Variants in SNTB2 observed in about 807,000 individuals in gnomAD.
SNTB2 encodes the protein syntrophin beta 2, also known as beta-2-syntrophin.
SNTB2 carries 34 observed loss-of-function variants against 46.2 expected under a neutral mutation model. The observed-to-expected ratio is 0.74, with a 90% CI of 0.56 to 0.98. SNTB2 has a LOEUF of 0.98. Among genes scored for constraint, SNTB2 ranks in the 50% least tolerant of loss-of-function variants. SNTB2 has a pLI of 0.00. For missense variants in SNTB2, 603 were observed against 731.4 expected, an observed-to-expected ratio of 0.82 and a Z score of 2.02; for synonymous variants, 290 against 312.6, an observed-to-expected ratio of 0.93 and a Z score of 0.76.
At chr16:69,288,122 C>T (rs369693830) in intron 5 of SNTB2, among the ~76,000 whole-genome samples, 2 of 152,046 alleles carry the variant, frequency 1.3e-5, no homozygotes, top group East Asian at 1.9e-4. Context: ...TGTGGGCAGT[C>T]GAGGGGTCAG....
rs747979866 is a variant in SNTB2 at position 69,299,762 on chromosome 16, C to T, written c.1518C>T (p.Pro506=). 6 of 1,613,866 alleles carry T rather than the reference C, an allele frequency of 3.7e-6. No individual in the cohort carries two copies. The highest frequency in any genetic ancestry group is 2.2e-5 in the East Asian group (1 of 44,890). ...IRNLYLDFGG[P]EGELTMDLHS... ...ATCTATACTTGGATTTTGGTGGTCC[C>T]GAGGGAGAACTGGTAAGAGTGTTTC... The change falls in exon 6 of 7, where the codon CCC becomes CCT. Residue 506 remains proline, a synonymous_variant. Transcript: ENST00000336278.
chr16:69,210,019 A>ATTT (rs137973730), intron 1 of SNTB2, among the ~76,000 whole-genome samples: 3 of 122,142 alleles, frequency 2.5e-5, no homozygotes, highest in African/African-American at 3.1e-5. Context: ...TTGTTATTTA[A>ATTT]TTTTTTTTTT....
chr16:69,237,286 A>G (rs1273190000), intron 1 of SNTB2, among the ~76,000 whole-genome samples: 1 of 151,746 alleles, frequency 6.6e-6, no homozygotes, highest in African/African-American at 2.4e-5. Flanking sequence ...GAAAGAAGGA[A>G]TACAAAACAG....
intron 2 of SNTB2, among the ~76,000 whole-genome samples, chr16:69,253,852 T>C (rs551214053): frequency 5.9e-5 from 9 of 152,236 alleles, no homozygotes; most frequent in African/African-American, 1.9e-4. Context: ...GAACTCAGAC[T>C]GTGTCAAAGG....
At chr16:69,243,313 A>G (rs1265701481) in intron 1 of SNTB2, among the ~76,000 whole-genome samples, 1 of 152,212 alleles carries the variant, frequency 6.6e-6, no homozygotes, top group African/African-American at 2.4e-5. Context: ...TCCCAAACAT[A>G]GAAACAGATG....
intron 1 of SNTB2, among the ~76,000 whole-genome samples, chr16:69,235,235 C>G (rs748121616): frequency 9.9e-5 from 15 of 151,624 alleles, no homozygotes; most frequent in Non-Finnish European, 1.5e-5. Context: ...CGTTCCCGGA[C>G]TTCAACTTGG....
intron 5 of SNTB2, among the ~76,000 whole-genome samples, chr16:69,298,127 G>C (rs1414814428): frequency 6.6e-6 from 1 of 151,956 alleles, no homozygotes; most frequent in Non-Finnish European, 1.5e-5. Flanking sequence ...TTATAGAAAT[G>C]AGATCTTGCC....
chr16:69,202,119 C>T (rs546482923), intron 1 of SNTB2, among the ~76,000 whole-genome samples: 2 of 152,238 alleles, frequency 1.3e-5, no homozygotes, highest in African/African-American at 2.4e-5. Flanking sequence ...CACATTTAAC[C>T]GTGACTGAGG....
chr16:69,251,617 A>G (rs1368241431), intron 2 of SNTB2, among the ~76,000 whole-genome samples: 1 of 151,836 alleles, frequency 6.6e-6, no homozygotes, highest in Non-Finnish European at 1.5e-5. Flanking sequence ...CGTCTCTACT[A>G]AAAATACAAA....
chr16:69,194,993 G>A (rs1196121585), intron 1 of SNTB2, among the ~76,000 whole-genome samples: 1 of 152,158 alleles, frequency 6.6e-6, no homozygotes, highest in East Asian at 1.9e-4. Flanking sequence ...AGGTGAGCTT[G>A]TTGGAGCTTT....
At chr16:69,235,852 G>A in intron 1 of SNTB2, 1 of 1,289,122 alleles carries the variant, frequency 7.8e-7, no homozygotes, top group Non-Finnish European at 1.0e-6. Flanking sequence ...GAACCCGTTA[G>A]CTACCACTTC....
At chr16:69,276,202 C>CA (rs11345899) in intron 4 of SNTB2, among the ~76,000 whole-genome samples, 119 of 136,798 alleles carry the variant, frequency 8.7e-4, no homozygotes, top group East Asian at 1.3e-3. Flanking sequence ...AAAAAGATCT[C>CA]AAAAAAAAAA....
chr16:69,187,862 A>T (rs1237761290), intron 1 of SNTB2, 116 bp downstream of exon 1: 1 of 862,550 alleles, frequency 1.2e-6, no homozygotes, highest in African/African-American at 1.8e-5. Context: ...CTCTCTCCAA[A>T]CCCGGGTTTC....
At chr16:69,256,047 G>A (rs1022188846) in intron 2 of SNTB2, among the ~76,000 whole-genome samples, 11 of 151,838 alleles carry the variant, frequency 7.2e-5, no homozygotes, top group Admixed American at 5.3e-4. Context: ...CTAGCCATGC[G>A]TGGTGGCCGG....
rs1965281489 is a variant in SNTB2 at position 69,302,171 on chromosome 16, A to T, written c.*1247A>T. On this transcript the variant is annotated 3_prime_UTR_variant, in exon 7 of 7. Coordinates refer to ENST00000336278, the MANE Select transcript of SNTB2 (RefSeq NM_006750.4). ...AGTGAGCAGGGTGATGAGACCGTGG[A>T]ACAGCTACCTGCTTTTGGTTAAGAT... 6.6e-6 allele frequency: 1 copy of T among 152,188 alleles called. No individual in the cohort carries two copies. The allele number at this position is 152,188 out of a possible 1,614,324, so 9.4% of individuals were successfully genotyped here. A position where few individuals can be genotyped will look rare whatever the true frequency, so the allele number is the denominator to read the frequency against.
rs1965301674 is a variant in SNTB2, at chr16:69,304,575, T to C, written c.*3651T>C. On this transcript the variant is annotated 3_prime_UTR_variant, in exon 7 of 7. Coordinates refer to ENST00000336278, the MANE Select transcript of SNTB2 (RefSeq NM_006750.4). ...TACCTAACATTATTACTGATTGTTTTCCTAATTTATCCTCCTAAGTTGAAT... is the reference window on the plus strand; with the variant it reads ...TACCTAACATTATTACTGATTGTTTCCCTAATTTATCCTCCTAAGTTGAAT... 1 of 152,360 alleles carries C rather than the reference T, an allele frequency of 6.6e-6. No homozygotes were observed. Among genetic ancestry groups the C allele is most frequent in the Non-Finnish European group, 1.5e-5 (1 of 68,038 alleles). The allele number at this position is 152,360 out of a possible 1,614,324, so 9.4% of individuals were successfully genotyped here.
In SNTB2 at chr16:69,295,470, G is replaced by A. The variant is rs531907534; in HGVS notation, c.1346-4120G>A. On this transcript the variant is annotated intron_variant, in intron 5 of 6. Transcript: ENST00000336278. ...TCACCATATTGGCCAGGCTGGTGTC[G>A]AACTCCTGACCTTGTGATCCACCCG... 2.7e-4 allele frequency among the ~76,000 whole-genome samples: 41 copies of A among 150,624 alleles called. No individual in the cohort carries two copies. In the East Asian group the frequency reaches 5.4e-3, roughly 20 times the overall value.
At chr16:69,229,695 A>G (rs927913777) in intron 1 of SNTB2, among the ~76,000 whole-genome samples, 1 of 150,928 alleles carries the variant, frequency 6.6e-6, no homozygotes, top group African/African-American at 2.4e-5. Context: ...TACAAAAATT[A>G]TCTGGGCATA....
chr16:69,245,918 A>G (rs1328696400), intron 2 of SNTB2, 103 bp downstream of exon 2: 3 of 1,193,286 alleles, frequency 2.5e-6, no homozygotes, highest in Admixed American at 3.8e-5. Flanking sequence ...AGAGGAAAAC[A>G]TCTGTCTGAG....
Sources: allele counts gnomAD v4.1 joint callset (sites outside exome capture counted in the v4.1 genomes callset), GRCh38; gene constraint gnomAD v4.1.1; transcripts MANE v1.5; gene names NCBI Gene and HGNC (gene_info 2026-07-23, HGNC 2026-07-21).